Variants in MLIP observed in about 807,000 individuals in gnomAD.
MLIP encodes the protein muscular LMNA-interacting protein.
Under a neutral mutation model 84.8 loss-of-function variants are expected in MLIP, and 79 were observed. The observed-to-expected ratio is 0.93, with a 90% confidence interval of 0.78 to 1.12. The LOEUF is 1.12. MLIP is among the 50% of genes most tolerant of loss of function. The probability of loss-of-function intolerance (pLI) is 0.00; values close to 1 mark genes in which losing one functional copy is unlikely to be tolerated. For synonymous variants in MLIP, 504 were observed against 463.0 expected (o/e 1.09, Z -1.14); for missense variants, 1,257 against 1,160.6 (o/e 1.08, Z -1.21).
chr6:54,185,755 A>C (rs966189188), intron 9 of MLIP, among the ~76,000 whole-genome samples: 1 of 152,152 alleles, frequency 6.6e-6, no homozygotes, highest in African/African-American at 2.4e-5. Flanking sequence ...ATCAATAGAG[A>C]ATGCTTTCAT....
chr6:54,109,475 G>A (rs1012560035), upstream of MLIP, among the ~76,000 whole-genome samples: 10 of 152,252 alleles, frequency 6.6e-5, no homozygotes, highest in African/African-American at 2.2e-4. Flanking sequence ...AGGGCCCACA[G>A]CCAGTGGATG....
Position 54,149,132 on chromosome 6 carries a change from G to A in MLIP, c.2289+5G>A, listed in dbSNP as rs1773175435. 6.2e-7 allele frequency: 1 copy of A among 1,609,762 alleles called. No individual in the cohort carries two copies. Among genetic ancestry groups the A allele is most frequent in the East Asian group, 2.2e-5 (1 of 44,776 alleles). On this transcript the variant is annotated splice_donor_5th_base_variant and intron_variant, in intron 5 of 13. Coordinates refer to ENST00000502396, the MANE Select transcript of MLIP (RefSeq NM_001281747.2). ...ACATTGCTTTTGGAACAGAAGGTCA[G>A]TGTTGGCTCAAAAACAGTGAATTTT... is the stretch of plus-strand genomic sequence containing the variant.
chr6:54,020,109 A>G (rs1763412812), intron 1 of MLIP, among the ~76,000 whole-genome samples: 1 of 152,208 alleles, frequency 6.6e-6, no homozygotes, highest in Non-Finnish European at 1.5e-5. Flanking sequence ...GTGTCCTTGT[A>G]GAGCTAACCA....
At chr6:54,107,453 G>A (rs567543378), upstream of MLIP, among the ~76,000 whole-genome samples, 159 of 152,282 alleles carry the variant, frequency 1.0e-3, no homozygotes, top group Admixed American at 2.3e-3. Flanking sequence ...TGTGAATCGG[G>A]TTAGTCCTGA....
Position 54,169,569 on chromosome 6 carries a change from A to G in MLIP, c.2541A>G (p.Lys847=), listed in dbSNP as rs774022783. ...CAAGAGCAGCTGGTCGAGAAACCAA[A>G]TATGTAAGTACCTTTATAATTATAC... ...TLPRAAGRET[K]YANLSSPSST... The change falls in exon 9 of 14, where the codon AAA becomes AAG. Residue 847 remains lysine (K), a synonymous_variant. Coordinates refer to ENST00000502396, the MANE Select transcript of MLIP (RefSeq NM_001281747.2). 4 of 1,587,360 alleles carry G rather than the reference A, an allele frequency of 2.5e-6. No individual in the cohort carries two copies. The highest frequency in any genetic ancestry group is 3.5e-5 in the Admixed American group (2 of 56,768).
intron 10 of MLIP, among the ~76,000 whole-genome samples, chr6:54,198,886 GTGTGTGTGTATA>G (rs71953860): frequency 0.26 from 39,593 of 150,954 alleles, 6,165 homozygotes; most frequent in Middle Eastern, 0.36. Context: ...GTCTGTGTGT[GTGTGTGTGTATA>G]TGTGTGTGTG....
At chr6:54,249,848 G>A (rs1782346425) in intron 12 of MLIP, among the ~76,000 whole-genome samples, 1 of 151,820 alleles carries the variant, frequency 6.6e-6, no homozygotes. Flanking sequence ...TTGTTACATA[G>A]GTAAATGTAC....
At chr6:54,202,533 C>G (rs1187215310) in intron 11 of MLIP, among the ~76,000 whole-genome samples, 1 of 150,090 alleles carries the variant, frequency 6.7e-6, no homozygotes, top group Non-Finnish European at 1.5e-5. Flanking sequence ...AGATGTTGCT[C>G]TCTATAAAGA....
chr6:54,101,895 A>G (rs989688845), intron 1 of MLIP, among the ~76,000 whole-genome samples: 1 of 152,154 alleles, frequency 6.6e-6, no homozygotes, highest in Non-Finnish European at 1.5e-5. Flanking sequence ...GAACAGTGGG[A>G]AACTCAGCCT....
At chr6:54,088,438 C>G (rs1767641105) in intron 1 of MLIP, among the ~76,000 whole-genome samples, 1 of 152,078 alleles carries the variant, frequency 6.6e-6, no homozygotes, top group Non-Finnish European at 1.5e-5. Flanking sequence ...GTGTGGCCGG[C>G]CACAAAGACT....
intron 1 of MLIP, among the ~76,000 whole-genome samples, chr6:54,076,405 A>G (rs953604737): frequency 4.6e-5 from 7 of 152,332 alleles, no homozygotes; most frequent in Non-Finnish European, 1.0e-4. Context: ...ACAGAGTCTC[A>G]TTTGGTATCT....
At chr6:54,215,267 A>G in intron 11 of MLIP, 1 of 1,492,184 alleles carries the variant, frequency 6.7e-7, no homozygotes, top group Non-Finnish European at 8.8e-7. Flanking sequence ...TTCCTGAAAA[A>G]GAGAAAAAGA....
intron 12 of MLIP, among the ~76,000 whole-genome samples, chr6:54,246,396 T>C (rs1308636884): frequency 1.3e-5 from 2 of 152,138 alleles, no homozygotes; most frequent in African/African-American, 4.8e-5. Flanking sequence ...TTTTTTTCTG[T>C]CCCTTATAGC....
At chr6:54,257,036 G>A (rs1346295057) in intron 12 of MLIP, among the ~76,000 whole-genome samples, 2 of 152,024 alleles carry the variant, frequency 1.3e-5, no homozygotes, top group Non-Finnish European at 2.9e-5. Context: ...AATTAATGAA[G>A]GCCTATGCTA....
chr6:54,083,387 C>T (rs1767285423), intron 1 of MLIP: 12 of 1,279,274 alleles, frequency 9.4e-6, no homozygotes, highest in Non-Finnish European at 1.2e-5. Context: ...TTGCTATTTC[C>T]AGTCCAGAGT....
chr6:54,253,104 C>T (rs1018391913), intron 12 of MLIP, among the ~76,000 whole-genome samples: 6 of 152,054 alleles, frequency 3.9e-5, no homozygotes, highest in African/African-American at 7.2e-5. Flanking sequence ...CAACTAACAA[C>T]GAGTTAGTTT....
intron 1 of MLIP, among the ~76,000 whole-genome samples, chr6:54,112,852 T>C (rs551593008): frequency 6.6e-6 from 1 of 152,314 alleles, no homozygotes; most frequent in South Asian, 2.1e-4. Flanking sequence ...ACCTTATTCA[T>C]TGAAGCATCA....
intron 1 of MLIP, among the ~76,000 whole-genome samples, chr6:54,084,330 C>A (rs1291466247): frequency 6.6e-6 from 1 of 152,068 alleles, no homozygotes; most frequent in African/African-American, 2.4e-5. Context: ...TTGAAGATAA[C>A]AATTTTGTTT....
At chr6:54,111,868 T>C (rs1187797705) in intron 1 of MLIP, among the ~76,000 whole-genome samples, 2 of 152,082 alleles carry the variant, frequency 1.3e-5, no homozygotes, top group East Asian at 3.9e-4. Context: ...TGTCAACATC[T>C]GAAGGAAGAG....
Sources: allele counts gnomAD v4.1 joint callset (sites outside exome capture counted in the v4.1 genomes callset), GRCh38; gene constraint gnomAD v4.1.1; transcripts MANE v1.5; gene names NCBI Gene and HGNC (gene_info 2026-07-23, HGNC 2026-07-21).